EML1: variants seen among roughly 807,000 people sequenced by gnomAD.
EML1 encodes echinoderm microtubule-associated protein-like 1.
A neutral mutation model predicts 110.4 loss-of-function variants in EML1; 27 were observed. The observed-to-expected ratio is 0.24, with a 90% CI of 0.18 to 0.34. The LOEUF (loss-of-function observed/expected upper bound fraction) is 0.34. Among genes scored for constraint, EML1 ranks in the 10% least tolerant of loss-of-function variants. The pLI, the probability that EML1 is intolerant of heterozygous loss-of-function variation, is 1.00. For missense variants in EML1, 741 were observed against 1,030.9 expected, an observed-to-expected ratio of 0.72 and a Z score of 3.85; for synonymous variants, 344 against 385.8, an observed-to-expected ratio of 0.89 and a Z score of 1.27.
At chr14:99,892,482 C>G (rs1354806894) in intron 5 of EML1, among the ~76,000 whole-genome samples, 1 of 152,120 alleles carries the variant, frequency 6.6e-6, no homozygotes, top group African/African-American at 2.4e-5. Context: ...GGATGTCCCA[C>G]TGTTTGACTT....
intron 1 of EML1, among the ~76,000 whole-genome samples, chr14:99,763,653 G>GTGT (rs1258326738): frequency 6.6e-6 from 1 of 152,146 alleles, no homozygotes; most frequent in Non-Finnish European, 1.5e-5. Context: ...TGTGGTCTTC[G>GTGT]TGTTATTGTC....
intron 1 of EML1, among the ~76,000 whole-genome samples, chr14:99,798,328 G>A (rs1566869740): frequency 2.0e-5 from 3 of 151,196 alleles, no homozygotes; most frequent in Admixed American, 6.6e-5. Context: ...GGTATTCCAG[G>A]CATGTTTTCT....
At position 99,764,339 on chromosome 14, in the gene EML1, C is replaced by A. The variant is rs556569423; in HGVS notation, c.28+26479C>A. ...GGAAGTGCGGCTCAGAGAGGCTAAGCGATTTGCCCAAGGTCACGCAGATAG... is the reference window on the plus strand; with the variant it reads ...GGAAGTGCGGCTCAGAGAGGCTAAGAGATTTGCCCAAGGTCACGCAGATAG... On this transcript the variant is annotated intron_variant, in intron 1 of 10. Transcript: ENST00000554479. 4.6e-5 allele frequency among the ~76,000 whole-genome samples: 7 copies of A among 152,336 alleles called. No homozygotes were observed. In the East Asian group the frequency reaches 1.4e-3, roughly 29 times the overall value.
chr14:99,934,137 CATT>C (rs2140128375), intron 17 of EML1, among the ~76,000 whole-genome samples: 1 of 152,280 alleles, frequency 6.6e-6, no homozygotes, highest in South Asian at 2.1e-4. Flanking sequence ...TAATTGGTAT[CATT>C]AAGTGGCCAT....
At chr14:99,810,863 T>C (rs562459038) in intron 1 of EML1, among the ~76,000 whole-genome samples, 3 of 152,206 alleles carry the variant, frequency 2.0e-5, no homozygotes, top group Non-Finnish European at 4.4e-5. Context: ...ATATGTGATG[T>C]GATGGGTATG....
At chr14:99,768,437 A>G (rs141116406), upstream of EML1, among the ~76,000 whole-genome samples, 807 of 152,198 alleles carry the variant, frequency 5.3e-3, 3 homozygotes, top group Middle Eastern at 6.8e-3. Context: ...AGAGGGTCCA[A>G]AATGGCCAAA....
intron 1 of EML1, among the ~76,000 whole-genome samples, chr14:99,777,064 A>T (rs1431346639): frequency 2.0e-5 from 3 of 152,164 alleles, no homozygotes; most frequent in Non-Finnish European, 4.4e-5. Context: ...AGGAATTGAG[A>T]TTTCCTCTTC....
At chr14:99,764,096 T>C (rs79114812) in intron 1 of EML1, among the ~76,000 whole-genome samples, 1 of 152,148 alleles carries the variant, frequency 6.6e-6, no homozygotes, top group Non-Finnish European at 1.5e-5. Context: ...GCAGTGGAGA[T>C]GCCCGCTAGT....
chr14:99,911,018 G>A (rs1322452523), intron 12 of EML1, among the ~76,000 whole-genome samples: 1 of 152,140 alleles, frequency 6.6e-6, no homozygotes, highest in African/African-American at 2.4e-5. Context: ...CTTGGCTCTA[G>A]GTGTCTTATT....
chr14:99,756,716 C>T (rs148526127), intron 1 of EML1, among the ~76,000 whole-genome samples: 4,354 of 152,216 alleles, frequency 0.029, 107 homozygotes, highest in Non-Finnish European at 0.043. Context: ...TTCCCGAGCC[C>T]CCACACCTGT....
intron 4 of EML1, among the ~76,000 whole-genome samples, chr14:99,881,820 C>A (rs893405598): frequency 6.6e-6 from 1 of 151,984 alleles, no homozygotes; most frequent in Non-Finnish European, 1.5e-5. Flanking sequence ...AGGATGGTCT[C>A]GATCTCTTGA....
intron 12 of EML1, among the ~76,000 whole-genome samples, chr14:99,910,590 A>G (rs1246178312): frequency 6.6e-6 from 1 of 152,256 alleles, no homozygotes; most frequent in African/African-American, 2.4e-5. Flanking sequence ...CCAAGCTATT[A>G]TGATGGAATT....
At position 99,894,605 on chromosome 14, in the gene EML1, C is replaced by T. The variant is rs199720899; in HGVS notation, c.548-24C>T. On this transcript the variant is annotated intron_variant, in intron 5 of 21. Coordinates refer to ENST00000262233, the MANE Select transcript of EML1 (RefSeq NM_004434.3). ...GTACGCTGGGCACTGAGGTATCTTA[C>T]TGAAATCTTTGTTCTTTTTGTAGAA... is the stretch of plus-strand genomic sequence containing the variant. 2.6e-5 allele frequency: 42 copies of T among 1,604,458 alleles called. 1 individual carries two copies. The Middle Eastern group carries it at 1.8e-3, about 70-fold the overall frequency.
chr14:99,742,450 C>G (rs958739472), intron 1 of EML1, among the ~76,000 whole-genome samples: 8 of 152,072 alleles, frequency 5.3e-5, no homozygotes, highest in African/African-American at 1.9e-4. Context: ...TCTGGAGGCC[C>G]AGAGGCCAAG....
In EML1 at chr14:99,907,566, T is replaced by A. The variant is rs2059872698; in HGVS notation, c.1009-72T>A. 2.3e-6 allele frequency: 3 copies of A among 1,288,996 alleles called. No homozygotes were observed. The South Asian group carries it at 3.8e-5, about 16-fold the overall frequency. 79.8% of individuals were successfully genotyped at this position (1,288,996 alleles called of 1,614,324 possible). A position where few individuals can be genotyped will look rare whatever the true frequency, so the allele number is the denominator to read the frequency against. ...ACTCTTTATTAAAAATGAAATTTGATGTTTATTTTTAATCATGTTCAACCC... is the reference window on the plus strand; with the variant it reads ...ACTCTTTATTAAAAATGAAATTTGAAGTTTATTTTTAATCATGTTCAACCC... On this transcript the variant is annotated intron_variant, in intron 9 of 21. Coordinates refer to ENST00000262233, the MANE Select transcript of EML1 (RefSeq NM_004434.3).
intron 4 of EML1, among the ~76,000 whole-genome samples, chr14:99,888,179 A>G (rs1357184422): frequency 6.6e-6 from 1 of 152,228 alleles, no homozygotes; most frequent in African/African-American, 2.4e-5. Flanking sequence ...TCCTCTCTCA[A>G]TGACCTTAGT....
chr14:99,851,149 C>A, intron 2 of EML1, 114 bp downstream of exon 2: 2 of 1,162,036 alleles, frequency 1.7e-6, no homozygotes, highest in Non-Finnish European at 2.4e-6. Flanking sequence ...CTTAGAATAA[C>A]AATAAAACAG....
At chr14:99,828,364 A>G (rs1369982785) in intron 1 of EML1, among the ~76,000 whole-genome samples, 2 of 152,168 alleles carry the variant, frequency 1.3e-5, no homozygotes, top group African/African-American at 4.8e-5. Flanking sequence ...CACACTGTAG[A>G]CGCCCCTACC....
At chr14:99,868,701 T>C (rs2059144085) in intron 3 of EML1, among the ~76,000 whole-genome samples, 1 of 152,180 alleles carries the variant, frequency 6.6e-6, no homozygotes, top group East Asian at 1.9e-4. Flanking sequence ...TCTGTCTTTC[T>C]TTGTTAGTCT....
Sources: gnomAD v4.1 joint callset for allele counts (sites outside exome capture counted in the v4.1 genomes callset) on GRCh38, gnomAD v4.1.1 for gene constraint, MANE v1.5 for transcripts, NCBI Gene and HGNC (gene_info 2026-07-23, HGNC 2026-07-21) for gene names.